The following ADGRL3 variants were observed in gnomAD, a reference collection of about 807,000 sequenced individuals.
ADGRL3 encodes the protein adhesion G protein-coupled receptor L3, also known as calcium-independent alpha-latrotoxin receptor 3.
In ADGRL3, 62 loss-of-function variants were observed where a neutral mutation model predicts 153.5. The observed-to-expected ratio is 0.40, with a 90% CI of 0.33 to 0.50. The LOEUF (loss-of-function observed/expected upper bound fraction) is 0.50. ADGRL3 is among the 20% of genes least tolerant of loss of function. The probability of loss-of-function intolerance (pLI) is 0.47; values close to 1 mark genes in which losing one functional copy is unlikely to be tolerated. For synonymous variants in ADGRL3, 710 were observed against 672.5 expected, an observed-to-expected ratio of 1.06 and a Z score of -0.86; for missense variants, 1,641 against 1,859.4, an observed-to-expected ratio of 0.88 and a Z score of 2.16.
intron 1 of ADGRL3, among the ~76,000 whole-genome samples, chr4:61,248,496 G>A (rs1757956759): frequency 6.6e-6 from 1 of 152,004 alleles, no homozygotes; most frequent in East Asian, 1.9e-4. Context: ...CAAATACTAG[G>A]TTAATATTAT....
chr4:61,262,689 A>C (rs2092610618), intron 1 of ADGRL3, among the ~76,000 whole-genome samples: 2 of 152,144 alleles, frequency 1.3e-5, no homozygotes, highest in African/African-American at 4.8e-5. Flanking sequence ...AACAGAAAAA[A>C]GAAAAAGAAA....
At chr4:61,505,077 C>T (rs1485100098) in intron 3 of ADGRL3, among the ~76,000 whole-genome samples, 1 of 152,088 alleles carries the variant, frequency 6.6e-6, no homozygotes, top group African/African-American at 2.4e-5. Context: ...CACCGACAGA[C>T]AAAGGTTCCC....
chr4:61,218,168 T>C (rs1045442103), intron 1 of ADGRL3, among the ~76,000 whole-genome samples: 1 of 152,192 alleles, frequency 6.6e-6, no homozygotes, highest in Non-Finnish European at 1.5e-5. Flanking sequence ...TAAGAGTCTT[T>C]GGGCAAAATG....
At position 62,051,166 on chromosome 4, in the gene ADGRL3, GTGTATA is replaced by G. The variant is rs1435601716; in HGVS notation, c.3814+6619_3814+6624del. Among the ~76,000 whole-genome samples the G allele has an allele frequency of 2.9e-3, 150 of 52,182 alleles. 2 individuals are homozygous for G. The highest frequency in any genetic ancestry group is 1.7e-3 in the Non-Finnish European group (44 of 26,652). 34.2% of individuals were successfully genotyped at this position (52,182 alleles called of 152,430 possible). On this transcript the variant is annotated intron_variant, in intron 25 of 26. Transcript: ENST00000683033. ...ATATACACAAAGAACGTGTGTGTGT[GTGTATA>G]TATATATATATATATATACATACAT...
chr4:61,835,272 C>T (rs765365281), intron 9 of ADGRL3, among the ~76,000 whole-genome samples: 2 of 144,692 alleles, frequency 1.4e-5, no homozygotes, highest in Non-Finnish European at 3.0e-5. Context: ...CCCAAGGAGT[C>T]CCAGGCTACC....
At chr4:61,989,421 T>A (rs1411683971) in intron 19 of ADGRL3, among the ~76,000 whole-genome samples, 1 of 152,044 alleles carries the variant, frequency 6.6e-6, no homozygotes, top group Non-Finnish European at 1.5e-5. Flanking sequence ...TAGGAAATAA[T>A]ACAGATAATG....
chr4:61,483,938 G>T (rs1030307894), intron 2 of ADGRL3, among the ~76,000 whole-genome samples: 3 of 150,650 alleles, frequency 2.0e-5, no homozygotes, highest in South Asian at 2.1e-4. Context: ...TTAATTATGG[G>T]CATATAAATA....
At chr4:61,302,643 A>G (rs1560449086) in intron 1 of ADGRL3, among the ~76,000 whole-genome samples, 1 of 152,064 alleles carries the variant, frequency 6.6e-6, no homozygotes, top group Non-Finnish European at 1.5e-5. Flanking sequence ...TTCATTATGC[A>G]TATTAATATT....
At chr4:61,950,241 G>GA (rs1320734248) in intron 17 of ADGRL3, among the ~76,000 whole-genome samples, 7 of 151,046 alleles carry the variant, frequency 4.6e-5, no homozygotes, top group Non-Finnish European at 8.9e-5. Flanking sequence ...AGGTTTACAG[G>GA]TTTTTTTTTA....
At chr4:61,527,339 T>C (rs189968912) in intron 4 of ADGRL3, among the ~76,000 whole-genome samples, 133 of 152,192 alleles carry the variant, frequency 8.7e-4, no homozygotes, top group African/African-American at 3.0e-3. Context: ...AAGGTATATA[T>C]TTTGTTGATT....
intron 6 of ADGRL3, among the ~76,000 whole-genome samples, chr4:61,717,788 C>G (rs1220707819): frequency 6.6e-6 from 1 of 152,052 alleles, no homozygotes; most frequent in Non-Finnish European, 1.5e-5. Flanking sequence ...AATCCCAGCA[C>G]TTTGGGAGGC....
At chr4:62,010,057 C>T (rs756716963) in intron 21 of ADGRL3, among the ~76,000 whole-genome samples, 17 of 152,082 alleles carry the variant, frequency 1.1e-4, no homozygotes, top group Non-Finnish European at 1.9e-4. Flanking sequence ...CACCCTCCCA[C>T]ACATGTAGAT....
intron 8 of ADGRL3, among the ~76,000 whole-genome samples, chr4:61,745,596 A>T (rs1233611847): frequency 6.6e-6 from 1 of 152,188 alleles, no homozygotes; most frequent in African/African-American, 2.4e-5. Flanking sequence ...AGAATTTCAT[A>T]TCCAGCCAAA....
At chr4:61,577,168 A>ATGTG (rs199928191) in intron 4 of ADGRL3, among the ~76,000 whole-genome samples, 3 of 114,012 alleles carry the variant, frequency 2.6e-5, no homozygotes, top group African/African-American at 9.5e-5. Context: ...GTGTGTGTGT[A>ATGTG]TGTGTGTGTG....
chr4:61,218,391 G>C (rs1210745844), intron 1 of ADGRL3, among the ~76,000 whole-genome samples: 1 of 151,988 alleles, frequency 6.6e-6, no homozygotes, highest in Non-Finnish European at 1.5e-5. Flanking sequence ...GCTCACTGCA[G>C]CCTCGACCTC....
In ADGRL3 at chr4:62,070,131, G is replaced by A; in HGVS notation, c.3855G>A (p.Arg1285=). ...RETKGLLNNA[R]DTSVMDTLPL... is the part of the protein sequence containing the mutation. ...CAGAGGGGCTTCTGAACAATGCCAG[G>A]GATACAAGTGTCATGGATACTCTAC... is the stretch of plus-strand genomic sequence containing the variant. Residue 1285 remains arginine (R), a synonymous_variant, in exon 27 of 27, where the codon AGG becomes AGA. Transcript: ENST00000683033. 6.2e-7 allele frequency: 1 copy of A among 1,613,684 alleles called. No individual in the cohort carries two copies. Among genetic ancestry groups the A allele is most frequent in the African/African-American group, 1.3e-5 (1 of 74,962 alleles).
At chr4:61,918,689 CTGAATCTGCTCAGAA>C (rs1316245588) in intron 13 of ADGRL3, among the ~76,000 whole-genome samples, 2 of 152,126 alleles carry the variant, frequency 1.3e-5, no homozygotes, top group African/African-American at 4.8e-5. Context: ...TGAAGCACTG[CTGAATCTGCTCAGAA>C]ATGCTGATAC....
At chr4:62,063,473 T>G (rs1452006683) in intron 25 of ADGRL3, 7 of 632,846 alleles carry the variant, frequency 1.1e-5, no homozygotes, top group Middle Eastern at 2.5e-4. Flanking sequence ...CCTTTTTTTT[T>G]TTTTCTCTGT....
At chr4:61,499,006 A>G (rs1357716063) in intron 3 of ADGRL3, among the ~76,000 whole-genome samples, 1 of 152,204 alleles carries the variant, frequency 6.6e-6, no homozygotes, top group African/African-American at 2.4e-5. Flanking sequence ...CTTAGGTCTC[A>G]GAATATTATA....
Sources: gnomAD v4.1 joint callset for allele counts (sites outside exome capture counted in the v4.1 genomes callset) on GRCh38, gnomAD v4.1.1 for gene constraint, MANE v1.5 for transcripts, NCBI Gene and HGNC (gene_info 2026-07-23, HGNC 2026-07-21) for gene names.